Variants in COL28A1 observed in about 807,000 individuals in gnomAD.
COL28A1 encodes the protein collagen alpha-1(XXVIII) chain.
In COL28A1, 161 loss-of-function variants were observed where a neutral mutation model predicts 150.2. The observed-to-expected ratio is 1.07, with a 90% confidence interval of 0.94 to 1.22. COL28A1 has a LOEUF of 1.22. Among genes scored for constraint, COL28A1 ranks in the 50% most tolerant of loss-of-function variants. The pLI, the probability that COL28A1 is intolerant of heterozygous loss-of-function variation, is 0.00. For synonymous variants in COL28A1, 552 were observed against 469.7 expected (o/e 1.18, Z -2.26); for missense variants, 1,617 against 1,388.3 (o/e 1.16, Z -2.62).
chr7:7,365,215 G>T (rs1043416629), intron 33 of COL28A1, among the ~76,000 whole-genome samples: 1 of 32,606 alleles, frequency 3.1e-5, no homozygotes, highest in Non-Finnish European at 1.4e-4. Context: ...TTACTTCTGG[G>T]TGGTGAGTAC....
chr7:7,522,589 T>C (rs1363446240), intron 4 of COL28A1, among the ~76,000 whole-genome samples: 1 of 151,964 alleles, frequency 6.6e-6, no homozygotes, highest in African/African-American at 2.4e-5. Flanking sequence ...TGGGAGAAAA[T>C]TCCAGAACAT....
chr7:7,436,210 TC>T (rs1239560012), intron 23 of COL28A1, among the ~76,000 whole-genome samples, 184 bp downstream of exon 23: 1 of 152,110 alleles, frequency 6.6e-6, no homozygotes, highest in East Asian at 1.9e-4. Flanking sequence ...GAGCTACTTT[TC>T]CCCACAAGTA....
chr7:7,372,266 G>A (rs59319769), intron 32 of COL28A1, among the ~76,000 whole-genome samples: 8,639 of 151,586 alleles, frequency 0.057, 836 homozygotes, highest in African/African-American at 0.2. Context: ...GGGCATGGTG[G>A]CGCGTGCCTG....
intron 27 of COL28A1, among the ~76,000 whole-genome samples, chr7:7,383,286 G>GT (rs71010977): frequency 1.9e-5 from 2 of 105,126 alleles, no homozygotes; most frequent in Admixed American, 1.8e-4. Flanking sequence ...GTGTGTGTGT[G>GT]TGTTTTTTTT....
intron 33 of COL28A1, among the ~76,000 whole-genome samples, chr7:7,361,685 T>A (rs1017525326): frequency 3.9e-5 from 6 of 152,000 alleles, no homozygotes; most frequent in African/African-American, 1.5e-4. Flanking sequence ...TTTGATAGAG[T>A]TTTTTCTTGT....
intron 13 of COL28A1, among the ~76,000 whole-genome samples, chr7:7,489,077 G>C (rs1779777411): frequency 6.6e-6 from 1 of 152,074 alleles, no homozygotes; most frequent in Non-Finnish European, 1.5e-5. Flanking sequence ...AGATGAGCCT[G>C]GCCAACATGG....
At chr7:7,348,155 G>A in the COL28A1 span, among the ~76,000 whole-genome samples, 1 of 152,026 alleles carries the variant, frequency 6.6e-6, no homozygotes, top group African/African-American at 2.4e-5. Context: ...GGTAAGCTTG[G>A]GAAATTGGAT....
At chr7:7,460,736 ATGTC>A (rs1787548383) in intron 15 of COL28A1, among the ~76,000 whole-genome samples, 1 of 152,240 alleles carries the variant, frequency 6.6e-6, no homozygotes, top group Admixed American at 6.5e-5. Context: ...TCTTTCGATA[ATGTC>A]TGGATTCAAA....
intron 27 of COL28A1, among the ~76,000 whole-genome samples, chr7:7,413,276 C>A (rs993694722): frequency 3.3e-5 from 5 of 151,756 alleles, no homozygotes; most frequent in Admixed American, 3.3e-4. Flanking sequence ...GAATTCTCAG[C>A]CAGGAAGTTG....
At chr7:7,481,866 A>T (rs551402111) in intron 13 of COL28A1, among the ~76,000 whole-genome samples, 2 of 152,268 alleles carry the variant, frequency 1.3e-5, no homozygotes, top group Admixed American at 1.3e-4. Context: ...AAATAATTAT[A>T]GTTCCCTTTC....
rs1286474463 is a variant in COL28A1 at position 7,360,417 on chromosome 7, G to C, written c.3178C>G (p.Leu1060Val). The change falls in exon 34 of 35, where the codon CTC (leucine) becomes GTC (valine). Residue 1060 changes from leucine to valine, a missense_variant. Coordinates refer to ENST00000399429, the MANE Select transcript of COL28A1 (RefSeq NM_001037763.3). ...SEATTTPRPL[L>V]STPVDGAEDP... ...TCTGCCCCATCCACAGGGGTGCTGAGCAGTGGCCTGGGGGTGGTGGTGGCC... is the reference window on the plus strand; with the variant it reads ...TCTGCCCCATCCACAGGGGTGCTGACCAGTGGCCTGGGGGTGGTGGTGGCC... 3 of 1,604,602 alleles carry C rather than the reference G, an allele frequency of 1.9e-6. No homozygotes were observed. The highest frequency in any genetic ancestry group is 3.5e-5 in the Admixed American group (2 of 57,132).
chr7:7,355,897 G>A (rs979325179), downstream of COL28A1, among the ~76,000 whole-genome samples: 3 of 152,144 alleles, frequency 2.0e-5, no homozygotes, highest in South Asian at 2.1e-4. Context: ...AGCATTCACA[G>A]CAACAGTGGC....
chr7:7,372,431 AAATAAATAAAT>A (rs1781283366), intron 32 of COL28A1, among the ~76,000 whole-genome samples: 1 of 151,136 alleles, frequency 6.6e-6, no homozygotes, highest in African/African-American at 2.4e-5. Context: ...ATAAATAAAT[AAATAAATAAAT>A]GGTTGTTCTT....
chr7:7,383,284 GTGTGTTTTT>G (rs1288061351), intron 27 of COL28A1, among the ~76,000 whole-genome samples: 2 of 115,684 alleles, frequency 1.7e-5, no homozygotes, highest in African/African-American at 8.5e-5. Context: ...GTGTGTGTGT[GTGTGTTTTT>G]TTTGAGACAG....
intron 18 of COL28A1, among the ~76,000 whole-genome samples, chr7:7,451,501 G>T (rs539772170): frequency 3.3e-4 from 51 of 152,244 alleles, no homozygotes; most frequent in African/African-American, 1.2e-3. Flanking sequence ...TGGGATTACA[G>T]GTGTGAGCCA....
chr7:7,433,595 C>T (rs1785132989), intron 23 of COL28A1, among the ~76,000 whole-genome samples: 1 of 148,388 alleles, frequency 6.7e-6, no homozygotes, highest in Middle Eastern at 3.4e-3. Context: ...GATCACACTA[C>T]TGTGCTCCAG....
chr7:7,398,368 G>A lies in COL28A1; in HGVS notation c.2137-16756C>T, dbSNP rs557158584. Among the ~76,000 whole-genome samples, 49 of 152,112 alleles carry A rather than the reference G, an allele frequency of 3.2e-4. No individual in the cohort carries two copies. The South Asian group carries it at 8.5e-3, about 26-fold the overall frequency. On this transcript the variant is annotated intron_variant, in intron 27 of 34. Transcript: ENST00000399429. The stretch of plus-strand genomic sequence containing the variant: ...TGCTTCCATTTTTTCTGTTTATAAC[G>A]ACTAGCAAATGATAAAGTGATTGGA...
At chr7:7,439,707 G>A (rs911647940) in intron 21 of COL28A1, among the ~76,000 whole-genome samples, 1 of 152,164 alleles carries the variant, frequency 6.6e-6, no homozygotes, top group African/African-American at 2.4e-5. Flanking sequence ...CAACACATCT[G>A]TTACATAGTG....
chr7:7,380,549 A>G, intron 30 of COL28A1, 111 bp downstream of exon 30: 1 of 902,958 alleles, frequency 1.1e-6, no homozygotes, highest in Non-Finnish European at 1.8e-6. Context: ...TCTCATTTAA[A>G]TAGAAACTGG....
Sources: gnomAD v4.1 joint callset for allele counts (sites outside exome capture counted in the v4.1 genomes callset) on GRCh38, gnomAD v4.1.1 for gene constraint, MANE v1.5 for transcripts, NCBI Gene and HGNC (gene_info 2026-07-23, HGNC 2026-07-21) for gene names.